The following DLGAP1 variants were observed in gnomAD, a reference collection of about 807,000 sequenced individuals.
DLGAP1 encodes disks large-associated protein 1.
DLGAP1 carries 11 observed loss-of-function variants against 90.8 expected under a neutral mutation model. The ratio of observed to expected loss-of-function variants is 0.12; its 90% CI spans 0.08 to 0.20. The LOEUF is 0.20. DLGAP1 is among the 10% of genes least tolerant of loss of function. The probability of loss-of-function intolerance (pLI) is 1.00; values close to 1 mark genes in which losing one functional copy is unlikely to be tolerated. For synonymous variants in DLGAP1, 558 were observed against 540.7 expected, an observed-to-expected ratio of 1.03 and a Z score of -0.44; for missense variants, 1,050 against 1,333.8, an observed-to-expected ratio of 0.79 and a Z score of 3.31.
At chr18:4,035,346 C>CA (rs1202751790) in intron 2 of DLGAP1, among the ~76,000 whole-genome samples, 1 of 151,510 alleles carries the variant, frequency 6.6e-6, no homozygotes, top group African/African-American at 2.4e-5. Flanking sequence ...GACCTTGTCT[C>CA]AAAAAACAAA....
At chr18:3,943,233 T>C (rs1235425462) in intron 3 of DLGAP1, among the ~76,000 whole-genome samples, 2 of 152,092 alleles carry the variant, frequency 1.3e-5, no homozygotes, top group African/African-American at 2.4e-5. Flanking sequence ...ATCAAGGAGG[T>C]TAAATTGACA....
At chr18:3,877,533 G>A (rs1348559218) in intron 4 of DLGAP1, among the ~76,000 whole-genome samples, 5 of 152,102 alleles carry the variant, frequency 3.3e-5, no homozygotes, top group African/African-American at 1.2e-4. Flanking sequence ...GTACTCTAGG[G>A]CTTTTATCTC....
At chr18:3,874,017 T>C in intron 4 of DLGAP1, 1 of 1,458,276 alleles carries the variant, frequency 6.9e-7, no homozygotes, top group South Asian at 1.4e-5. Context: ...TTGTCAGCTC[T>C]TCCAGTCTTT....
chr18:3,760,419 T>C (rs2063913671), intron 5 of DLGAP1, among the ~76,000 whole-genome samples: 1 of 152,082 alleles, frequency 6.6e-6, no homozygotes, highest in South Asian at 2.1e-4. Context: ...CCAGGGGAAT[T>C]AGTTTCTTTT....
rs184833634 is a variant in DLGAP1, at chr18:3,523,592, A to G, written c.2479+10602T>C. On this transcript the variant is annotated intron_variant, in intron 10 of 12. Transcript: ENST00000315677. ...ACCAGGTGCGGTGGCTCACGCCTGT[A>G]ATCCCAGCACTTTGGGAGGCCAAGG... is the stretch of plus-strand genomic sequence containing the variant. 9.6e-3 allele frequency among the ~76,000 whole-genome samples: 1,458 copies of G among 152,224 alleles called. 22 individuals carry two copies. The highest frequency in any genetic ancestry group is 0.031 in the African/African-American group (1,308 of 41,532).
At chr18:4,117,412 C>T (rs1166760745) in intron 2 of DLGAP1, among the ~76,000 whole-genome samples, 1 of 152,110 alleles carries the variant, frequency 6.6e-6, no homozygotes, top group Non-Finnish European at 1.5e-5. Flanking sequence ...TATTGATTGC[C>T]CCTCCTCCAC....
chr18:3,720,619 T>C (rs1189100922), intron 7 of DLGAP1, among the ~76,000 whole-genome samples: 2 of 152,140 alleles, frequency 1.3e-5, no homozygotes, highest in African/African-American at 4.8e-5. Context: ...CTTTGCAGCA[T>C]TGTCCAACTG....
chr18:4,354,338 T>C (rs1466478968), intron 1 of DLGAP1, among the ~76,000 whole-genome samples: 1 of 152,164 alleles, frequency 6.6e-6, no homozygotes, highest in East Asian at 1.9e-4. Context: ...TAGAGAAATC[T>C]GACCTATCTC....
At chr18:4,018,828 C>A (rs1317661918) in intron 2 of DLGAP1, among the ~76,000 whole-genome samples, 5 of 152,140 alleles carry the variant, frequency 3.3e-5, no homozygotes, top group Admixed American at 1.3e-4. Context: ...TTAAGCTTTA[C>A]AGCAAAAGTA....
chr18:3,743,150 T>A (rs2063128904), intron 5 of DLGAP1, among the ~76,000 whole-genome samples: 1 of 152,098 alleles, frequency 6.6e-6, no homozygotes, highest in Non-Finnish European at 1.5e-5. Context: ...TGTAAAATTA[T>A]AAAAGTAGAA....
chr18:4,336,159 C>G (rs1205702895), intron 1 of DLGAP1, among the ~76,000 whole-genome samples: 2 of 152,222 alleles, frequency 1.3e-5, no homozygotes, highest in South Asian at 2.1e-4. Context: ...TTCATAGGTA[C>G]TTTTGCTGCC....
At chr18:3,751,811 C>T (rs753197538) in intron 5 of DLGAP1, among the ~76,000 whole-genome samples, 1 of 150,586 alleles carries the variant, frequency 6.6e-6, no homozygotes, top group Non-Finnish European at 1.5e-5. Context: ...GATCTGCCTG[C>T]CTTGGCCTCC....
chr18:4,449,556 T>C (rs538114375), intron 1 of DLGAP1, among the ~76,000 whole-genome samples: 1 of 152,332 alleles, frequency 6.6e-6, no homozygotes, highest in East Asian at 1.9e-4. Context: ...TGTTTATTCA[T>C]TCACTCAACC....
chr18:3,548,684 C>T (rs1411772526), intron 9 of DLGAP1, among the ~76,000 whole-genome samples: 1 of 152,046 alleles, frequency 6.6e-6, no homozygotes, highest in Middle Eastern at 3.2e-3. Flanking sequence ...TGAAAAACTA[C>T]ATATTTTCAT....
chr18:3,561,436 C>CA (rs68086553), intron 9 of DLGAP1, among the ~76,000 whole-genome samples: 3,989 of 72,816 alleles, frequency 0.055, 5 homozygotes, highest in Non-Finnish European at 0.089. Context: ...ACTCCATCTC[C>CA]AAAAAAAAAA....
At chr18:3,957,772 T>C (rs966834146) in intron 3 of DLGAP1, among the ~76,000 whole-genome samples, 2 of 152,188 alleles carry the variant, frequency 1.3e-5, no homozygotes, top group Non-Finnish European at 2.9e-5. Context: ...AATTTCTATC[T>C]TAGTCATTCA....
intron 8 of DLGAP1, chr18:3,571,414 C>G (rs2054776351): frequency 6.6e-6 from 1 of 152,054 alleles, no homozygotes; most frequent in Admixed American, 6.6e-5. Flanking sequence ...CACCCCATCA[C>G]TATAGTGCAC....
At chr18:4,050,639 A>T (rs1392593114) in intron 2 of DLGAP1, among the ~76,000 whole-genome samples, 1 of 152,254 alleles carries the variant, frequency 6.6e-6, no homozygotes, top group Non-Finnish European at 1.5e-5. Context: ...CTATATTTTT[A>T]AACAGGTTAA....
chr18:3,872,125 GA>G, intron 4 of DLGAP1, among the ~76,000 whole-genome samples: 1 of 142,732 alleles, frequency 7.0e-6, no homozygotes, highest in South Asian at 2.2e-4. Context: ...TTTAGCAAAT[GA>G]AACAAAAAGT....
Sources: gnomAD v4.1 joint callset for allele counts (sites outside exome capture counted in the v4.1 genomes callset) on GRCh38, gnomAD v4.1.1 for gene constraint, MANE v1.5 for transcripts, NCBI Gene and HGNC (gene_info 2026-07-23, HGNC 2026-07-21) for gene names.